The following SERGEF variants were observed in gnomAD, a reference collection of about 807,000 sequenced individuals.
SERGEF encodes secretion regulating guanine nucleotide exchange factor.
Under a neutral mutation model 50.0 loss-of-function variants are expected in SERGEF, and 51 were observed. The ratio of observed to expected loss-of-function variants is 1.02; its 90% confidence interval spans 0.81 to 1.29. The LOEUF is 1.29. SERGEF is among the 50% of genes most tolerant of loss of function. SERGEF has a pLI of 0.00. For synonymous variants in SERGEF, 205 were observed against 212.4 expected, an observed-to-expected ratio of 0.97 and a Z score of 0.30; for missense variants, 521 against 557.0, an observed-to-expected ratio of 0.94 and a Z score of 0.65.
At chr11:17,949,917 G>A (rs1408313562) in intron 9 of SERGEF, among the ~76,000 whole-genome samples, 1 of 152,156 alleles carries the variant, frequency 6.6e-6, no homozygotes, top group Admixed American at 6.5e-5. Context: ...CTGAGAAATA[G>A]GTAGTAGTTG....
chr11:17,892,764 T>C (rs1851556821), intron 9 of SERGEF, among the ~76,000 whole-genome samples: 1 of 152,186 alleles, frequency 6.6e-6, no homozygotes, highest in Non-Finnish European at 1.5e-5. Flanking sequence ...TTACTACTTA[T>C]TGCTGTGAAG....
intron 10 of SERGEF, among the ~76,000 whole-genome samples, chr11:17,868,730 G>A (rs184079918): frequency 1.9e-4 from 29 of 152,272 alleles, no homozygotes; most frequent in Non-Finnish European, 3.4e-4. Flanking sequence ...ACATGGCAGG[G>A]GAGGCCTCAC....
At chr11:17,957,738 GAAAAA>G (rs201005017) in intron 9 of SERGEF, among the ~76,000 whole-genome samples, 1 of 134,846 alleles carries the variant, frequency 7.4e-6, no homozygotes, top group Admixed American at 7.4e-5. Flanking sequence ...CTAGTGGTGG[GAAAAA>G]AAAAAAAAAA....
At chr11:18,007,585 C>T (rs1173109266) in intron 2 of SERGEF, among the ~76,000 whole-genome samples, 1 of 152,142 alleles carries the variant, frequency 6.6e-6, no homozygotes, top group Non-Finnish European at 1.5e-5. Flanking sequence ...AGTTTTTGCT[C>T]TCAAGGAATA....
intron 10 of SERGEF, among the ~76,000 whole-genome samples, chr11:17,832,962 C>T (rs1244823088): frequency 6.6e-6 from 1 of 152,168 alleles, no homozygotes; most frequent in Non-Finnish European, 1.5e-5. Flanking sequence ...AAACACCTGA[C>T]ATTTTCCAGC....
At chr11:17,832,236 C>T (rs1271986939) in intron 10 of SERGEF, among the ~76,000 whole-genome samples, 3 of 152,160 alleles carry the variant, frequency 2.0e-5, no homozygotes, top group South Asian at 2.1e-4. Context: ...AAATCATTCT[C>T]GTGCTGTTGT....
At chr11:17,809,530 C>T (rs575152285) in intron 10 of SERGEF, among the ~76,000 whole-genome samples, 22 of 152,214 alleles carry the variant, frequency 1.4e-4, no homozygotes, top group African/African-American at 5.1e-4. Context: ...TGCACTCACA[C>T]GATGCCAGGC....
At chr11:17,936,184 T>C (rs1329047500) in intron 9 of SERGEF, among the ~76,000 whole-genome samples, 2 of 152,182 alleles carry the variant, frequency 1.3e-5, no homozygotes. Context: ...ACAAACATGA[T>C]ATTAATTGCT....
chr11:17,821,595 T>C (rs570602820), intron 10 of SERGEF, among the ~76,000 whole-genome samples: 9 of 152,338 alleles, frequency 5.9e-5, no homozygotes, highest in African/African-American at 2.2e-4. Context: ...TGCTATTCCC[T>C]CTGCCTAGAA....
chr11:17,892,072 CAG>C (rs1851541350), intron 9 of SERGEF, among the ~76,000 whole-genome samples: 1 of 152,152 alleles, frequency 6.6e-6, no homozygotes, highest in Non-Finnish European at 1.5e-5. Flanking sequence ...AAAAACACTA[CAG>C]AGTTAGGAAA....
intron 9 of SERGEF, among the ~76,000 whole-genome samples, chr11:17,948,119 A>G (rs1830009816): frequency 6.6e-6 from 1 of 152,052 alleles, no homozygotes; most frequent in Admixed American, 6.6e-5. Context: ...TTGTAGAGAC[A>G]GGGTTTTGCC....
chr11:17,896,866 GGGAAGGGAAGGGAAGGGAAGGGAAGGGAA>G (rs1851652956), intron 9 of SERGEF, among the ~76,000 whole-genome samples: 6 of 6,772 alleles, frequency 8.9e-4, no homozygotes, highest in African/African-American at 3.0e-3. Context: ...GGGAAGGGAA[GGGAAGGGAAGGGAAGGGAAGGGAAGGGAA>G]GGGAAGGGAA....
At position 17,788,086 on chromosome 11, in the gene SERGEF, C is replaced by T; in HGVS notation, c.1376G>A (p.Ter459=). The part of the protein sequence containing the change: ...QSDWSRNGGL[*] The stretch of plus-strand genomic sequence containing the variant: ...AGCCACTTTATTAAAGATTCTCTAT[C>T]ACAGTCCCCCATTTCTGGACCAGTC... Residue 459 remains the stop codon, a stop_retained_variant, in exon 11 of 11, where the codon TGA becomes TAA. Coordinates refer to ENST00000265965, the MANE Select transcript of SERGEF (RefSeq NM_012139.4). The T allele has an allele frequency of 6.6e-7, 1 of 1,516,358 alleles. No homozygotes were observed. The highest frequency in any genetic ancestry group is 2.3e-5 in the East Asian group (1 of 43,776). The allele number at this position is 1,516,358 out of a possible 1,614,324, so 93.9% of individuals were successfully genotyped here.
chr11:17,960,201 A>C (rs1442527407), intron 8 of SERGEF, among the ~76,000 whole-genome samples: 2 of 152,188 alleles, frequency 1.3e-5, no homozygotes, highest in Non-Finnish European at 2.9e-5. Flanking sequence ...AACAATCCTA[A>C]GGCAAGTGTT....
At chr11:17,910,405 C>T (rs750668286) in intron 9 of SERGEF, among the ~76,000 whole-genome samples, 17 of 150,556 alleles carry the variant, frequency 1.1e-4, no homozygotes, top group South Asian at 2.1e-4. Context: ...TGTGCCACCA[C>T]GCCCAGCTAA....
At chr11:17,914,815 C>T (rs950538070) in intron 9 of SERGEF, among the ~76,000 whole-genome samples, 4 of 152,108 alleles carry the variant, frequency 2.6e-5, no homozygotes, top group Admixed American at 2.6e-4. Context: ...TTGTGTCAGG[C>T]ACTGTTCTAG....
intron 10 of SERGEF, among the ~76,000 whole-genome samples, chr11:17,797,403 T>C (rs1849589193): frequency 6.6e-6 from 1 of 152,228 alleles, no homozygotes; most frequent in African/African-American, 2.4e-5. Context: ...TTATTGTTCC[T>C]GCTATCTGGA....
At chr11:17,994,008 A>C (rs1853775468) in intron 6 of SERGEF, among the ~76,000 whole-genome samples, 2 of 152,174 alleles carry the variant, frequency 1.3e-5, no homozygotes, top group South Asian at 4.1e-4. Flanking sequence ...AAAATAAAAA[A>C]CATTTTTTCC....
intron 2 of SERGEF, among the ~76,000 whole-genome samples, chr11:18,007,513 C>T (rs551399097): frequency 2.3e-4 from 35 of 152,186 alleles, no homozygotes; most frequent in Non-Finnish European, 4.6e-4. Context: ...AACATTGTAG[C>T]ACTTGTACTA....
Sources: gnomAD v4.1 joint callset for allele counts (sites outside exome capture counted in the v4.1 genomes callset) on GRCh38, gnomAD v4.1.1 for gene constraint, MANE v1.5 for transcripts, NCBI Gene and HGNC (gene_info 2026-07-23, HGNC 2026-07-21) for gene names.